Variants in SYNPR observed in about 807,000 individuals in gnomAD.
SYNPR encodes synaptoporin.
SYNPR carries 23 observed loss-of-function variants against 32.9 expected under a neutral mutation model. That is an observed-to-expected ratio of 0.70 (90% CI 0.50 to 0.99). The LOEUF is 0.99. Among genes scored for constraint, SYNPR ranks in the 50% least tolerant of loss-of-function variants. The pLI is 0.00. For synonymous variants in SYNPR, 146 were observed against 135.9 expected (o/e 1.07, Z -0.52); for missense variants, 318 against 349.3 (o/e 0.91, Z 0.71).
At chr3:63,300,689 T>A (rs1321628577) in intron 2 of SYNPR, among the ~76,000 whole-genome samples, 1 of 152,074 alleles carries the variant, frequency 6.6e-6, no homozygotes, top group Non-Finnish European at 1.5e-5. Context: ...TACAAAAGCC[T>A]AGCTTCCTTG....
At chr3:63,295,730 A>G (rs1047436854) in intron 2 of SYNPR, among the ~76,000 whole-genome samples, 3 of 152,324 alleles carry the variant, frequency 2.0e-5, no homozygotes, top group African/African-American at 7.2e-5. Flanking sequence ...TTTGATCTGA[A>G]TTGATCTTAT....
chr3:63,390,653 T>A lies in SYNPR; in HGVS notation c.85-90179T>A, dbSNP rs553976367. On this transcript the variant is annotated intron_variant, in intron 2 of 5. Coordinates refer to ENST00000478300, the MANE Select transcript of SYNPR (RefSeq NM_001130003.2). ...AATTCCTAGGGCTTCGGGTTCCCCA[T>A]TCCTTCACACATTCCCAGTAATGCT... Among the ~76,000 whole-genome samples the A allele has an allele frequency of 7.9e-5, 12 of 152,330 alleles. No homozygotes were observed. The East Asian group carries it at 2.1e-3, about 27-fold the overall frequency.
At chr3:63,207,678 A>G in the SYNPR span, among the ~76,000 whole-genome samples, 2 of 152,214 alleles carry the variant, frequency 1.3e-5, no homozygotes, top group African/African-American at 4.8e-5. Flanking sequence ...TTCATTAGAA[A>G]GGAAAACTCT....
chr3:63,396,119 T>A (rs1395321103), intron 2 of SYNPR, among the ~76,000 whole-genome samples: 1 of 152,202 alleles, frequency 6.6e-6, no homozygotes, highest in Non-Finnish European at 1.5e-5. Context: ...ACTTATTTCC[T>A]TGGAGTGATT....
intron 4 of SYNPR, among the ~76,000 whole-genome samples, chr3:63,568,816 C>T (rs1269727841): frequency 6.6e-6 from 1 of 152,104 alleles, no homozygotes; most frequent in Non-Finnish European, 1.5e-5. Flanking sequence ...CTAGACTTTC[C>T]GGTTGTCAGT....
chr3:63,500,414 G>A (rs1701456992), intron 3 of SYNPR, among the ~76,000 whole-genome samples: 1 of 152,110 alleles, frequency 6.6e-6, no homozygotes, highest in South Asian at 2.1e-4. Context: ...GTGGGATTCT[G>A]GGTGAGTCAG....
rs186971922 is a variant in SYNPR at position 63,614,305 on chromosome 3, G to A, written c.601-919G>A. On this transcript the variant is annotated intron_variant, in intron 5 of 5. Transcript: ENST00000478300. Reference sequence around the variant, plus strand: ...ATTCCCAAGTCAATCAACCAGCCTTGGAAAAGGCTGCAGAACAAGTCATGG... The same window carrying A: ...ATTCCCAAGTCAATCAACCAGCCTTAGAAAAGGCTGCAGAACAAGTCATGG... 5.1e-3 allele frequency among the ~76,000 whole-genome samples: 773 copies of A among 152,298 alleles called. 2 individuals are homozygous for A. The highest frequency in any genetic ancestry group is 0.014 in the Middle Eastern group (4 of 294).
At chr3:63,256,276 G>A (rs2086382402) in intron 2 of SYNPR, among the ~76,000 whole-genome samples, 3 of 152,330 alleles carry the variant, frequency 2.0e-5, no homozygotes, top group East Asian at 1.9e-4. Flanking sequence ...GCCTCCTCAA[G>A]TGTGTCCATG....
At chr3:63,386,385 TAGA>T (rs1344545424) in intron 2 of SYNPR, among the ~76,000 whole-genome samples, 1 of 152,204 alleles carries the variant, frequency 6.6e-6, no homozygotes, top group African/African-American at 2.4e-5. Context: ...CCTGCCATCT[TAGA>T]AGGCATGGGC....
chr3:63,251,437 A>G (rs191100745), intron 1 of SYNPR, among the ~76,000 whole-genome samples: 1 of 152,258 alleles, frequency 6.6e-6, no homozygotes, highest in East Asian at 1.9e-4. Context: ...GTGGGAGGTA[A>G]TGAAGTCTGA....
At chr3:63,414,855 G>A (rs913705684) in intron 2 of SYNPR, among the ~76,000 whole-genome samples, 3 of 152,108 alleles carry the variant, frequency 2.0e-5, no homozygotes, top group African/African-American at 7.2e-5. Flanking sequence ...ATATACATAT[G>A]TATATTTTGA....
chr3:63,597,682 C>G (rs570507428), intron 4 of SYNPR, among the ~76,000 whole-genome samples: 5 of 152,178 alleles, frequency 3.3e-5, no homozygotes, highest in Admixed American at 6.5e-5. Flanking sequence ...CAATTCAAAT[C>G]TCAGTTACCT....
At chr3:63,540,061 T>G (rs1005477824) in intron 3 of SYNPR, among the ~76,000 whole-genome samples, 1 of 152,150 alleles carries the variant, frequency 6.6e-6, no homozygotes, top group Non-Finnish European at 1.5e-5. Flanking sequence ...CTACCACATG[T>G]GTCTGCTAGA....
At chr3:63,480,112 G>A (rs1369519440) in intron 2 of SYNPR, among the ~76,000 whole-genome samples, 1 of 152,108 alleles carries the variant, frequency 6.6e-6, no homozygotes, top group Non-Finnish European at 1.5e-5. Flanking sequence ...TTCTTTCTAG[G>A]AGACCTCTCA....
At chr3:63,578,710 T>A (rs1442705427) in intron 4 of SYNPR, among the ~76,000 whole-genome samples, 2 of 152,108 alleles carry the variant, frequency 1.3e-5, no homozygotes, top group Non-Finnish European at 2.9e-5. Context: ...ACAGTGGTAG[T>A]TTTTTCTTCT....
intron 2 of SYNPR, among the ~76,000 whole-genome samples, chr3:63,263,613 C>T (rs2086457627): frequency 1.3e-5 from 2 of 152,130 alleles, no homozygotes; most frequent in Admixed American, 1.3e-4. Context: ...GGATCCATTT[C>T]CAAGAAGTCA....
intron 2 of SYNPR, among the ~76,000 whole-genome samples, chr3:63,404,716 G>T (rs1437586662): frequency 6.6e-6 from 1 of 151,784 alleles, no homozygotes; most frequent in South Asian, 2.1e-4. Context: ...TAATTCATAG[G>T]ATTAATATTT....
At chr3:63,396,475 A>G (rs2088214212) in intron 2 of SYNPR, among the ~76,000 whole-genome samples, 1 of 152,180 alleles carries the variant, frequency 6.6e-6, no homozygotes, top group South Asian at 2.1e-4. Flanking sequence ...TATCCCTTTC[A>G]GAAATAGTAT....
At chr3:63,480,689 C>G in intron 2 of SYNPR, 143 bp from the exon 3 acceptor site, 1 of 1,105,234 alleles carries the variant, frequency 9.0e-7, no homozygotes, top group South Asian at 1.7e-5. Context: ...CTACCTTCAT[C>G]TTCCAGCTGA....
Sources: gnomAD v4.1 joint callset for allele counts (sites outside exome capture counted in the v4.1 genomes callset) on GRCh38, gnomAD v4.1.1 for gene constraint, MANE v1.5 for transcripts, NCBI Gene and HGNC (gene_info 2026-07-23, HGNC 2026-07-21) for gene names.